RNF149: variants seen among roughly 807,000 people sequenced by gnomAD.
RNF149 encodes the protein ring finger protein 149.
Under a neutral mutation model 39.0 loss-of-function variants are expected in RNF149, and 21 were observed. The ratio of observed to expected loss-of-function variants is 0.54; its 90% CI spans 0.38 to 0.77. RNF149 has a LOEUF of 0.77. Among genes scored for constraint, RNF149 ranks in the 30% least tolerant of loss-of-function variants. RNF149 has a pLI of 0.00. For synonymous variants in RNF149, 209 were observed against 213.6 expected, an observed-to-expected ratio of 0.98 and a Z score of 0.19; for missense variants, 493 against 534.9, an observed-to-expected ratio of 0.92 and a Z score of 0.77.
chr2:101,272,377 A>G (rs138453093), downstream of RNF149, among the ~76,000 whole-genome samples: 3 of 152,370 alleles, frequency 2.0e-5, no homozygotes, highest in African/African-American at 7.2e-5. Context: ...AAAGAGGGCA[A>G]GTCTCCAGCT....
chr2:101,301,548 C>T (rs1473026467), intron 1 of RNF149, among the ~76,000 whole-genome samples: 7 of 151,968 alleles, frequency 4.6e-5, no homozygotes, highest in Non-Finnish European at 8.8e-5. Flanking sequence ...TCAAGCAATC[C>T]GCCTGCCTCA....
intron 5 of RNF149, among the ~76,000 whole-genome samples, chr2:101,283,775 A>G (rs987507670): frequency 6.6e-6 from 1 of 152,204 alleles, no homozygotes; most frequent in African/African-American, 2.4e-5. Flanking sequence ...AATTTTTAAT[A>G]TATGAAATAT....
rs750708522 is a variant in RNF149, at chr2:101,294,917, T to C, written c.711+14A>G. 1 of 1,595,778 alleles carries C rather than the reference T, an allele frequency of 6.3e-7. No homozygotes were observed. The highest frequency in any genetic ancestry group is 1.1e-5 in the South Asian group (1 of 89,644). On this transcript the variant is annotated intron_variant, in intron 2 of 6. Transcript: ENST00000295317. ...ATCTTTTAAAAAGCAAAATTCAGAG[T>C]TATCCATCATTACCTGACTTCCAAT...
At chr2:101,296,597 T>C (rs1235431721) in intron 1 of RNF149, among the ~76,000 whole-genome samples, 2 of 152,132 alleles carry the variant, frequency 1.3e-5, no homozygotes, top group Admixed American at 6.5e-5. Flanking sequence ...GAATTCCAAA[T>C]GCATGAGGCA....
In RNF149 at chr2:101,294,017, T is replaced by A; in HGVS notation, c.777A>T (p.Glu259Asp). 2 of 1,560,536 alleles carry A rather than the reference T, an allele frequency of 1.3e-6. No homozygotes were observed. Among genetic ancestry groups the A allele is most frequent in the Non-Finnish European group, 1.8e-6 (2 of 1,134,568 alleles). Residue 259 changes from glutamate (E) to aspartate (D), a missense_variant, in exon 3 of 7, where the codon GAA becomes GAT. Glu to Asp is a conservative substitution (Grantham distance 45). Coordinates refer to ENST00000295317, the MANE Select transcript of RNF149 (RefSeq NM_173647.4). Reference sequence around the variant, plus strand: ...AGAAAAACCATGAAAATATTACCTTTTCTCCATGCTTTACAGTATGAAGTA... The same window carrying A: ...AGAAAAACCATGAAAATATTACCTTATCTCCATGCTTTACAGTATGAAGTA... ...QLLLHTVKHG[E>D]KGIDVDAENC...
At chr2:101,305,503 C>T (rs1456124594) in intron 1 of RNF149, among the ~76,000 whole-genome samples, 1 of 152,192 alleles carries the variant, frequency 6.6e-6, no homozygotes, top group Admixed American at 6.5e-5. Context: ...AAACTAATTT[C>T]CCTTTAATCA....
intron 5 of RNF149, among the ~76,000 whole-genome samples, chr2:101,283,010 C>G (rs1184172644): frequency 1.1e-4 from 17 of 152,128 alleles, no homozygotes. Flanking sequence ...ACCTTTTTAC[C>G]TAAATATCTG....
chr2:101,275,111 GTTTTT>G (rs1165388203), downstream of RNF149, among the ~76,000 whole-genome samples: 7 of 51,056 alleles, frequency 1.4e-4, no homozygotes, highest in East Asian at 6.1e-4. Flanking sequence ...TAGTATTTCT[GTTTTT>G]TTTTTTTTTT....
intron 6 of RNF149, among the ~76,000 whole-genome samples, chr2:101,280,395 C>T (rs906752379): frequency 3.3e-5 from 5 of 151,986 alleles, no homozygotes; most frequent in African/African-American, 9.7e-5. Flanking sequence ...TTAAATCTCC[C>T]CTCACACCTT....
intron 1 of RNF149, among the ~76,000 whole-genome samples, chr2:101,301,738 C>T (rs963368004): frequency 6.6e-6 from 1 of 152,074 alleles, no homozygotes; most frequent in African/African-American, 2.4e-5. Flanking sequence ...CCTCTTATCA[C>T]CTTGTCAAAA....
chr2:101,292,482 T>C (rs937749870), intron 3 of RNF149, among the ~76,000 whole-genome samples: 3 of 152,120 alleles, frequency 2.0e-5, no homozygotes, highest in Admixed American at 6.6e-5. Flanking sequence ...AACTGCAATT[T>C]CCGGCCGGGC....
At chr2:101,289,510 T>C (rs898105070) in intron 3 of RNF149, among the ~76,000 whole-genome samples, 2 of 151,892 alleles carry the variant, frequency 1.3e-5, no homozygotes, top group Admixed American at 1.3e-4. Flanking sequence ...ATTGAGACCA[T>C]CCTGGCCAAC....
At chr2:101,275,431 CTTTTTTTTTTTT>C (rs59154104), downstream of RNF149, among the ~76,000 whole-genome samples, 8 of 26,600 alleles carry the variant, frequency 3.0e-4, no homozygotes, top group South Asian at 2.6e-3. Context: ...CCTAGTATTT[CTTTTTTTTTTTT>C]TTTTTTTTTT....
chr2:101,302,981 T>TA (rs58511902), intron 1 of RNF149, among the ~76,000 whole-genome samples: 42 of 141,510 alleles, frequency 3.0e-4, no homozygotes, highest in Admixed American at 6.3e-4. Context: ...CACTTGTCTC[T>TA]AAAAAAAAAA....
chr2:101,308,275 C>G lies in RNF149; in HGVS notation c.314G>C (p.Gly105Ala). ...RFFVPEPGGR[G>A]AAPWVALVAR... ...CACCAGGGCGACCCAGGGCGCGGCC[C>G]CTCGGCCGCCGGGCTCGGGCACGAA... The change falls in exon 1 of 7, where the codon GGG (glycine) becomes GCG (alanine). Residue 105 changes from glycine to alanine, a missense_variant. By Grantham distance (60) the Gly-to-Ala change is moderately conservative. Transcript: ENST00000295317. 1.9e-6 allele frequency: 3 copies of G among 1,578,118 alleles called. No homozygotes were observed. The highest frequency in any genetic ancestry group is 2.6e-6 in the Non-Finnish European group (3 of 1,164,370).
At chr2:101,292,563 G>C (rs374564451) in intron 3 of RNF149, among the ~76,000 whole-genome samples, 19 of 152,246 alleles carry the variant, frequency 1.2e-4, no homozygotes, top group African/African-American at 4.6e-4. Context: ...TCAGGAGATG[G>C]AGACCATCCT....
intron 6 of RNF149, among the ~76,000 whole-genome samples, chr2:101,280,636 A>T (rs1184324155): frequency 5.3e-5 from 8 of 152,176 alleles, no homozygotes; most frequent in African/African-American, 1.9e-4. Context: ...GCCAAAGGAT[A>T]CAGAAATTGG....
chr2:101,306,322 CA>C (rs1683658207), intron 1 of RNF149, among the ~76,000 whole-genome samples: 1 of 152,126 alleles, frequency 6.6e-6, no homozygotes, highest in Non-Finnish European at 1.5e-5. Context: ...TTTTCTTTGA[CA>C]GAACTACTAA....
In RNF149 at chr2:101,289,063, A is replaced by C; in HGVS notation, c.781-8T>G. 6.6e-7 allele frequency: 1 copy of C among 1,515,376 alleles called. No individual in the cohort carries two copies. Among genetic ancestry groups the C allele is most frequent in the African/African-American group, 1.4e-5 (1 of 73,004 alleles). The allele number at this position is 1,515,376 out of a possible 1,614,324, so 93.9% of individuals were successfully genotyped here. On this transcript the variant is annotated splice_region_variant and splice_polypyrimidine_tract_variant and intron_variant, in intron 3 of 6. Transcript: ENST00000295317. ...AGCATCAACATCAATTCCCTGTAAA[A>C]AGAAAAGGAAAGTGTTACTACATTC...
Sources: allele counts gnomAD v4.1 joint callset (sites outside exome capture counted in the v4.1 genomes callset), GRCh38; gene constraint gnomAD v4.1.1; transcripts MANE v1.5; gene names NCBI Gene and HGNC (gene_info 2026-07-23, HGNC 2026-07-21).